Variants in STK17A observed in about 807,000 individuals in gnomAD.
STK17A encodes serine/threonine-protein kinase 17A.
STK17A carries 26 observed loss-of-function variants against 43.7 expected under a neutral mutation model. The ratio of observed to expected loss-of-function variants is 0.60; its 90% CI spans 0.44 to 0.83. The LOEUF (loss-of-function observed/expected upper bound fraction) is 0.83, where lower values mean the gene tolerates loss of function less well. Ranked by LOEUF, STK17A falls within the 40% of genes least tolerant of loss-of-function variation. The pLI is 0.00. For synonymous variants in STK17A, 191 were observed against 182.5 expected (o/e 1.05, Z -0.38); for missense variants, 476 against 511.6 (o/e 0.93, Z 0.67).
At chr7:43,602,668 T>A (rs1158039313) in intron 2 of STK17A, among the ~76,000 whole-genome samples, 1 of 151,700 alleles carries the variant, frequency 6.6e-6, no homozygotes, top group Non-Finnish European at 1.5e-5. Context: ...ACTATATAAA[T>A]GTAAGTGTTC....
At chr7:43,615,918 T>G (rs760160941) in intron 3 of STK17A, among the ~76,000 whole-genome samples, 2 of 152,128 alleles carry the variant, frequency 1.3e-5, no homozygotes, top group African/African-American at 2.4e-5. Flanking sequence ...CTGACTCCCC[T>G]AAAGATAACA....
chr7:43,623,955 C>CT (rs2084206559), intron 6 of STK17A, 67 bp downstream of exon 6: 2 of 1,182,636 alleles, frequency 1.7e-6, no homozygotes, highest in South Asian at 2.9e-5. Context: ...TATTAAAAAA[C>CT]TGACAGTTTT....
At chr7:43,608,458 A>G (rs2082635849) in intron 3 of STK17A, 58 bp downstream of exon 3, 2 of 1,543,974 alleles carry the variant, frequency 1.3e-6, no homozygotes, top group Admixed American at 3.9e-5. Context: ...GACATAAAAT[A>G]TTTAACAGTG....
chr7:43,597,444 A>G (rs1357021738), intron 2 of STK17A, among the ~76,000 whole-genome samples: 4 of 151,588 alleles, frequency 2.6e-5, no homozygotes, highest in Non-Finnish European at 4.4e-5. Flanking sequence ...ACTGGAGTGC[A>G]TTGGCACAAT....
chr7:43,624,936 GATAACCAGT>G lies in STK17A; in HGVS notation c.*97_*105del. The stretch of plus-strand genomic sequence containing the variant: ...CCAAATGGTACATGTACTGGAAGTG[GATAACCAGT>G]ATCACTTACACAAACAAAAATAACT... On this transcript the variant is annotated 3_prime_UTR_variant, in exon 7 of 7. Transcript: ENST00000319357. 5 of 1,114,932 alleles carry G rather than the reference GATAACCAGT, an allele frequency of 4.5e-6. No homozygotes were observed. 69.1% of individuals were successfully genotyped at this position (1,114,932 alleles called of 1,614,324 possible).
chr7:43,622,336 CCTCTT>C (rs2083983582), intron 4 of STK17A: 1 of 152,170 alleles, frequency 6.6e-6, no homozygotes, highest in Non-Finnish European at 1.5e-5. Flanking sequence ...TCCTTTCCAA[CCTCTT>C]CCTCCCACTC....
intron 1 of STK17A, among the ~76,000 whole-genome samples, chr7:43,584,488 T>C (rs936152680): frequency 2.6e-5 from 4 of 152,260 alleles, no homozygotes; most frequent in African/African-American, 9.6e-5. Flanking sequence ...CAGTAAATGT[T>C]CGCATTATTG....
chr7:43,583,160 G>A lies in STK17A; in HGVS notation c.-84G>A. On this transcript the variant is annotated 5_prime_UTR_variant, in exon 1 of 7. Transcript: ENST00000319357. ...CGGGTGTTTGAAGGCTCCGCGGACCGGCACTAGGAGCCGGGGGCGGGTCCG... is the reference window on the plus strand; with the variant it reads ...CGGGTGTTTGAAGGCTCCGCGGACCAGCACTAGGAGCCGGGGGCGGGTCCG... 6 of 1,444,340 alleles carry A rather than the reference G, an allele frequency of 4.2e-6. No homozygotes were observed. The highest frequency in any genetic ancestry group is 1.3e-5 in the South Asian group (1 of 79,982). The allele number at this position is 1,444,340 out of a possible 1,614,324, so 89.5% of individuals were successfully genotyped here.
In STK17A at chr7:43,622,166, ATG is replaced by A. The variant is rs1223153740; in HGVS notation, c.692-1403_692-1402del. 8.5e-5 allele frequency: 13 copies of A among 152,316 alleles called. No individual in the cohort carries two copies. The South Asian group carries it at 2.7e-3, about 32-fold the overall frequency. 9.4% of individuals were successfully genotyped at this position (152,316 alleles called of 1,614,324 possible). ...GTACCCTTCCTCCCACAGTCTTGCTATGTGGTCTGTTTTACTGTTTCTTCCCC... is the reference window on the plus strand; with the variant it reads ...GTACCCTTCCTCCCACAGTCTTGCTATGGTCTGTTTTACTGTTTCTTCCCC... On this transcript the variant is annotated intron_variant, in intron 4 of 6. Transcript: ENST00000319357.
At chr7:43,598,365 G>A (rs994530246) in intron 2 of STK17A, among the ~76,000 whole-genome samples, 1 of 151,612 alleles carries the variant, frequency 6.6e-6, no homozygotes, top group Non-Finnish European at 1.5e-5. Flanking sequence ...AGCTACTCAG[G>A]AGGCTGACGC....
chr7:43,624,452 T>C, intron 6 of STK17A, 66 bp from the exon 7 acceptor site: 1 of 1,458,726 alleles, frequency 6.9e-7, no homozygotes, highest in Non-Finnish European at 9.2e-7. Context: ...ATAAATACAG[T>C]ACCTTATGCT....
intron 1 of STK17A, among the ~76,000 whole-genome samples, chr7:43,588,613 G>T (rs1162549623): frequency 6.6e-6 from 1 of 151,394 alleles, no homozygotes; most frequent in East Asian, 1.9e-4. Flanking sequence ...GGCCAAGGTG[G>T]GCGGATCACT....
At chr7:43,604,445 G>A (rs1378472424) in intron 2 of STK17A, among the ~76,000 whole-genome samples, 2 of 152,010 alleles carry the variant, frequency 1.3e-5, no homozygotes, top group African/African-American at 2.4e-5. Context: ...TCTTCTCCCT[G>A]ACTTCTATTC....
chr7:43,597,830 G>A (rs1338530659), intron 2 of STK17A, among the ~76,000 whole-genome samples: 1 of 152,152 alleles, frequency 6.6e-6, no homozygotes, highest in Non-Finnish European at 1.5e-5. Flanking sequence ...CTACTTGGGA[G>A]GCTGAAGTGG....
rs755397127 is a variant in STK17A, at chr7:43,595,871, T to G, written c.207-30T>G. The G allele has an allele frequency of 6.9e-6, 11 of 1,605,074 alleles. No homozygotes were observed. In the African/African-American group the frequency reaches 1.1e-4, roughly 16 times the overall value. On this transcript the variant is annotated intron_variant, in intron 1 of 6. Transcript: ENST00000319357. ...TGCCATCTCTGGAAAGTTGTCAACT[T>G]TAACAGTGAATGTTTTTGTTTAATT...
At chr7:43,602,790 A>G (rs1486195997) in intron 2 of STK17A, among the ~76,000 whole-genome samples, 3 of 152,178 alleles carry the variant, frequency 2.0e-5, no homozygotes, top group Non-Finnish European at 2.9e-5. Flanking sequence ...GATTATTTCC[A>G]AATTTTTGTT....
chr7:43,596,887 C>T (rs948399859), intron 2 of STK17A, among the ~76,000 whole-genome samples: 1 of 142,032 alleles, frequency 7.0e-6, no homozygotes, highest in Non-Finnish European at 1.5e-5. Context: ...AAAAAAAAAA[C>T]CTTAATACTC....
chr7:43,591,808 G>C (rs1368243624), intron 1 of STK17A, among the ~76,000 whole-genome samples: 1 of 151,516 alleles, frequency 6.6e-6, no homozygotes, highest in Non-Finnish European at 1.5e-5. Flanking sequence ...TCTAGGTTTT[G>C]ATCTTTCATT....
intron 2 of STK17A, among the ~76,000 whole-genome samples, chr7:43,603,675 G>A (rs2082570180): frequency 6.6e-6 from 1 of 152,198 alleles, no homozygotes; most frequent in African/African-American, 2.4e-5. Flanking sequence ...AATTAAGGAT[G>A]CTAAGGATAG....
Sources: allele counts gnomAD v4.1 joint callset (sites outside exome capture counted in the v4.1 genomes callset), GRCh38; gene constraint gnomAD v4.1.1; transcripts MANE v1.5; gene names NCBI Gene and HGNC (gene_info 2026-07-23, HGNC 2026-07-21).